The following COL6A1 variants were observed in gnomAD, a reference collection of about 807,000 sequenced individuals.
The protein encoded by COL6A1 is collagen type VI alpha 1 chain, also known as collagen alpha-1(VI) chain.
A neutral mutation model predicts 145.6 loss-of-function variants in COL6A1; 80 were observed. That is an observed-to-expected ratio of 0.55 (90% CI 0.46 to 0.66). COL6A1 has a LOEUF of 0.66. COL6A1 is among the 30% of genes least tolerant of loss of function. The pLI, the probability that COL6A1 is intolerant of heterozygous loss-of-function variation, is 0.00. For synonymous variants in COL6A1, 638 were observed against 622.8 expected, an observed-to-expected ratio of 1.02 and a Z score of -0.36; for missense variants, 1,364 against 1,473.8, an observed-to-expected ratio of 0.93 and a Z score of 1.22.
chr21:45,989,110 A>G lies in COL6A1; in HGVS notation c.831A>G (p.Pro277=). Residue 277 remains proline (P), a synonymous_variant, in exon 9 of 35, where the codon CCA becomes CCG. Coordinates refer to ENST00000361866, the MANE Select transcript of COL6A1 (RefSeq NM_001848.3). ...FEGERGKPGL[P]GEKGEAGDPG... is the part of the protein sequence containing the mutation. ...GAGAACGAGGCAAGCCGGGGCTCCCAGGAGAGAAGGGAGAAGCCGGAGATC... is the reference window on the plus strand; with the variant it reads ...GAGAACGAGGCAAGCCGGGGCTCCCGGGAGAGAAGGGAGAAGCCGGAGATC... 1 of 1,611,188 alleles carries G rather than the reference A, an allele frequency of 6.2e-7. No individual in the cohort carries two copies. The highest frequency in any genetic ancestry group is 8.5e-7 in the Non-Finnish European group (1 of 1,178,874).
At chr21:45,986,033 G>A (rs2077737192) in intron 3 of COL6A1, among the ~76,000 whole-genome samples, 1 of 152,248 alleles carries the variant, frequency 6.6e-6, no homozygotes, top group South Asian at 2.1e-4. Context: ...CTGCGATACT[G>A]CCCTCCTTCC....
At chr21:45,983,516 C>T (rs574162835) in intron 2 of COL6A1, among the ~76,000 whole-genome samples, 1 of 152,276 alleles carries the variant, frequency 6.6e-6, no homozygotes, top group South Asian at 2.1e-4. Flanking sequence ...TGGGCCGGAG[C>T]CTCCCGCCAC....
At position 46,003,566 on chromosome 21, in the gene COL6A1, C is replaced by T; in HGVS notation, c.2640C>T (p.Gly880=). 6.2e-7 allele frequency: 1 copy of T among 1,612,622 alleles called. No individual in the cohort carries two copies. The highest frequency in any genetic ancestry group is 1.3e-5 in the African/African-American group (1 of 75,048). Residue 880 remains glycine (G), a synonymous_variant, in exon 35 of 35, where the codon GGC becomes GGT. Transcript: ENST00000361866. ...DVRVAVVQYS[G]TGQQRPERAS... Reference sequence around the variant, plus strand: ...GGGTGGCGGTGGTGCAGTACAGCGGCACGGGCCAGCAGCGCCCAGAGCGGG... The same window carrying T: ...GGGTGGCGGTGGTGCAGTACAGCGGTACGGGCCAGCAGCGCCCAGAGCGGG...
intron 9 of COL6A1, 148 bp downstream of exon 9, chr21:45,989,285 A>G: frequency 1.1e-6 from 1 of 897,132 alleles, no homozygotes. Flanking sequence ...TGGAGGGGCC[A>G]CAGCCCAGCC....
At chr21:45,987,693 C>A (rs1569517949) in intron 8 of COL6A1, 39 bp downstream of exon 8, 8 of 1,587,302 alleles carry the variant, frequency 5.0e-6, no homozygotes, top group African/African-American at 1.3e-5. Flanking sequence ...TGTTGTGGGG[C>A]CTGGGAGTGG....
At position 45,992,368 on chromosome 21, in the gene COL6A1, C is replaced by A; in HGVS notation, c.1242C>A (p.Asn414Lys). The A allele has an allele frequency of 6.2e-7, 1 of 1,613,686 alleles. No homozygotes were observed. Among genetic ancestry groups the A allele is most frequent in the Non-Finnish European group, 8.5e-7 (1 of 1,180,012 alleles). Residue 414 changes from asparagine to lysine, a missense_variant, in exon 18 of 35, where the codon AAC (asparagine) becomes AAA (lysine). Asn to Lys is a moderately conservative substitution (Grantham distance 94). This residue lies in a region of COL6A1 where 938 missense variants were observed against 1,003.8 expected (regional missense o/e 0.93). Coordinates refer to ENST00000361866, the MANE Select transcript of COL6A1 (RefSeq NM_001848.3). ...GEKGEAGDEGNPGPDGAPGER... is the reference protein window; with the variant it reads ...GEKGEAGDEGKPGPDGAPGER... ...TCTGTTTCTCTTCATCCCAGGGGAACCCAGGACCTGACGGTGCCCCCGGGG... is the reference window on the plus strand; with the variant it reads ...TCTGTTTCTCTTCATCCCAGGGGAAACCAGGACCTGACGGTGCCCCCGGGG...
rs1376829602 is a variant in COL6A1 at position 45,986,541 on chromosome 21, G to A, written c.444G>A (p.Lys148=). The change falls in exon 4 of 35, where the codon AAG becomes AAA. Residue 148 remains lysine (K), a synonymous_variant. Coordinates refer to ENST00000361866, the MANE Select transcript of COL6A1 (RefSeq NM_001848.3). ...EQLLVGGSHL[K]ENKYLIVVTD... ...TCCTGTCCAGGGGCTCCCACCTGAA[G>A]GAGAATAAGTACCTGATTGTGGTGA... 1.3e-6 allele frequency: 2 copies of A among 1,562,930 alleles called. No individual in the cohort carries two copies. Among genetic ancestry groups the A allele is most frequent in the Non-Finnish European group, 8.7e-7 (1 of 1,153,682 alleles).
chr21:45,984,501 G>A (rs768737132), intron 3 of COL6A1, 32 bp downstream of exon 3: 2 of 1,597,334 alleles, frequency 1.3e-6, no homozygotes, highest in South Asian at 2.2e-5. Context: ...GCCCACGCCA[G>A]TTCTCACGCG....
In COL6A1 at chr21:45,990,797, C is replaced by T. The variant is rs2077772186; in HGVS notation, c.1027C>T (p.Pro343Ser). ...GGGGGAGATGGGGTACCCAGGCCTG[C>T]CAGGCTGCAAGGGCTCGCCCGGGTT... is the stretch of plus-strand genomic sequence containing the variant. ...VKGEMGYPGL[P>S]GCKGSPGFDG... The change falls in exon 14 of 35, where the codon CCA becomes TCA. Residue 343 changes from proline (P) to serine (S), a missense_variant. Physicochemically the swap from Pro to Ser is moderately conservative, Grantham distance 74. Around this residue, in one of 3 missense-constraint regions of COL6A1, gnomAD observed 938 missense variants for 1,003.8 expected, o/e 0.93. Transcript: ENST00000361866. The T allele has an allele frequency of 1.9e-6, 3 of 1,613,406 alleles. No individual in the cohort carries two copies. Among genetic ancestry groups the T allele is most frequent in the Non-Finnish European group, 1.7e-6 (2 of 1,179,982 alleles).
intron 8 of COL6A1, 61 bp from the exon 9 acceptor site, chr21:45,989,023 G>A (rs573342705): frequency 5.4e-5 from 86 of 1,588,206 alleles, no homozygotes; most frequent in Middle Eastern, 1.7e-4. Context: ...AACCTGTTTC[G>A]TGAGCCAGCT....
At chr21:45,985,840 T>A (rs1347953440) in intron 3 of COL6A1, among the ~76,000 whole-genome samples, 3 of 152,212 alleles carry the variant, frequency 2.0e-5, no homozygotes, top group African/African-American at 7.2e-5. Context: ...GGTGCCAAGC[T>A]GGGACCTGGG....
chr21:45,998,088 A>AT, intron 22 of COL6A1, 33 bp from the exon 23 acceptor site: 5 of 1,610,536 alleles, frequency 3.1e-6, no homozygotes, highest in Non-Finnish European at 4.2e-6. Flanking sequence ...GGCCAGGCCG[A>AT]TTCGCACGGT....
rs1980982 is a variant in COL6A1 at position 45,991,017 on chromosome 21, T to G, written c.1095T>G (p.Gly365=). 2 of 1,613,158 alleles carry G rather than the reference T, an allele frequency of 1.2e-6. No individual in the cohort carries two copies. Among genetic ancestry groups the G allele is most frequent in the South Asian group, 2.2e-5 (2 of 91,086 alleles). ...QGPPGPKGDP[G]AFGLKGEKGE... ...CCCCTGGCCCCAAGGGAGACCCCGG[T>G]GCCTTTGGACTGAAAGGAGAAAAGG... Residue 365 remains glycine, a synonymous_variant, in exon 15 of 35, where the codon GGT becomes GGG. Coordinates refer to ENST00000361866, the MANE Select transcript of COL6A1 (RefSeq NM_001848.3).
intron 20 of COL6A1, among the ~76,000 whole-genome samples, chr21:45,995,621 G>A (rs1458744606): frequency 4.6e-5 from 7 of 152,252 alleles, no homozygotes; most frequent in Admixed American, 4.6e-4. Flanking sequence ...CTTTCAAAGG[G>A]TTGTGGTAAG....
At position 46,002,553 on chromosome 21, in the gene COL6A1, G is replaced by A. The variant is rs2077853286; in HGVS notation, c.2277G>A (p.Val759=). ...TGGTCTCCGTGGGCATCAAAGACGTGTTTGACTTCATCCCAGGCTCAGACC... is the reference window on the plus strand; with the variant it reads ...TGGTCTCCGTGGGCATCAAAGACGTATTTGACTTCATCCCAGGCTCAGACC... ...IQVVSVGIKD[V]FDFIPGSDQL... is the part of the protein sequence containing the mutation. Residue 759 remains valine, a synonymous_variant, in exon 33 of 35, where the codon GTG becomes GTA. Transcript: ENST00000361866. 3.7e-6 allele frequency: 6 copies of A among 1,614,140 alleles called. No homozygotes were observed. Among genetic ancestry groups the A allele is most frequent in the Non-Finnish European group, 5.1e-6 (6 of 1,180,006 alleles).
At position 46,004,273 on chromosome 21, in the gene COL6A1, A is replaced by G. The variant is rs1053331; in HGVS notation, c.*260A>G. 483,584 of 561,838 alleles carry G rather than the reference A, an allele frequency of 0.86. 208,556 individuals carry two copies. The highest frequency in any genetic ancestry group is 0.92 in the African/African-American group (48,573 of 52,992). The allele number at this position is 561,838 out of a possible 1,614,324, so 34.8% of individuals were successfully genotyped here. ...AGTGTCACCTGCACAGGGCCCTCTG[A>G]GGCTCAGCCCTGAGCTGGCGTCACC... On this transcript the variant is annotated 3_prime_UTR_variant, in exon 35 of 35. Coordinates refer to ENST00000361866, the MANE Select transcript of COL6A1 (RefSeq NM_001848.3).
rs764464889 is a variant in COL6A1 at position 46,003,621 on chromosome 21, G to A, written c.2695G>A (p.Ala899Thr). Residue 899 changes from alanine (A) to threonine (T), a missense_variant, in exon 35 of 35, where the codon GCC (alanine) becomes ACC (threonine). Ala to Thr is a moderately conservative substitution (Grantham distance 58). This residue lies in a region of COL6A1 where 938 missense variants were observed against 1,003.8 expected (regional missense o/e 0.93). Coordinates refer to ENST00000361866, the MANE Select transcript of COL6A1 (RefSeq NM_001848.3). ...GCTGCAGTTCCTGCAGAACTACACG[G>A]CCCTGGCCAGTGCCGTCGATGCCAT... ...ASLQFLQNYT[A>T]LASAVDAMDF... 8 of 1,612,842 alleles carry A rather than the reference G, an allele frequency of 5.0e-6. No individual in the cohort carries two copies. In the South Asian group the frequency reaches 7.7e-5, roughly 15 times the overall value.
rs887365559 is a variant in COL6A1 at position 45,994,853 on chromosome 21, C to T, written c.1398+624C>T. ...ATCCTCCCGGAGCTCACCTGCCCCA[C>T]GGGGACAGGAAGGCCTCCACACGGT... On this transcript the variant is annotated intron_variant, in intron 20 of 34. Coordinates refer to ENST00000361866, the MANE Select transcript of COL6A1 (RefSeq NM_001848.3). The surrounding 1 kb of genome is among the most constrained non-coding windows in gnomAD (Gnocchi z 6.8). Among the ~76,000 whole-genome samples the T allele has an allele frequency of 5.3e-5, 8 of 152,172 alleles. No individual in the cohort carries two copies. The highest frequency in any genetic ancestry group is 7.4e-5 in the Non-Finnish European group (5 of 68,024).
At chr21:45,987,316 C>G in intron 6 of COL6A1, 141 bp downstream of exon 6, 1 of 1,500,010 alleles carries the variant, frequency 6.7e-7, no homozygotes, top group Non-Finnish European at 9.2e-7. Context: ...TGCCCGTGTG[C>G]CCGGGATGTG....
Sources: allele counts gnomAD v4.1 joint callset (sites outside exome capture counted in the v4.1 genomes callset), GRCh38; gene constraint gnomAD v4.1.1; regional missense constraint gnomAD v4.1.1; non-coding constraint Gnocchi (gnomAD v3.1); transcripts MANE v1.5; gene names NCBI Gene and HGNC (gene_info 2026-07-23, HGNC 2026-07-21).